The following AHI1 variants were observed in gnomAD, a reference collection of about 807,000 sequenced individuals.
The protein encoded by AHI1 is Abelson helper integration site 1.
Under a neutral mutation model 149.3 loss-of-function variants are expected in AHI1, and 123 were observed. The ratio of observed to expected loss-of-function variants is 0.82; its 90% CI spans 0.71 to 0.96. The LOEUF is 0.96. Ranked by LOEUF, AHI1 falls within the 40% of genes least tolerant of loss-of-function variation. The pLI is 0.00. For synonymous variants in AHI1, 475 were observed against 459.8 expected, an observed-to-expected ratio of 1.03 and a Z score of -0.42; for missense variants, 1,439 against 1,422.7, an observed-to-expected ratio of 1.01 and a Z score of -0.18.
intron 23 of AHI1, among the ~76,000 whole-genome samples, chr6:135,369,934 T>A (rs1420780013): frequency 2.0e-5 from 3 of 152,214 alleles, no homozygotes. Flanking sequence ...TTGCTCATGG[T>A]TCCTCATAAG....
At chr6:135,339,251 T>C (rs1582677543) in intron 24 of AHI1, among the ~76,000 whole-genome samples, 1 of 152,202 alleles carries the variant, frequency 6.6e-6, no homozygotes, top group South Asian at 2.1e-4. Flanking sequence ...TGCCACATTA[T>C]ATAATCTCAA....
intron 24 of AHI1, among the ~76,000 whole-genome samples, chr6:135,336,558 A>C (rs2128404839): frequency 6.6e-6 from 1 of 152,282 alleles, no homozygotes; most frequent in African/African-American, 2.4e-5. Flanking sequence ...AGATCATGCC[A>C]CTGCACTCCA....
At chr6:135,382,824 T>C (rs1455712456) in intron 23 of AHI1, among the ~76,000 whole-genome samples, 1 of 146,168 alleles carries the variant, frequency 6.8e-6, no homozygotes, top group Non-Finnish European at 1.5e-5. Flanking sequence ...ATTTCATTTT[T>C]CCCCCAGAGG....
intron 23 of AHI1, chr6:135,388,169 A>G: frequency 1.1e-6 from 1 of 946,284 alleles, no homozygotes; most frequent in South Asian, 1.8e-5. Flanking sequence ...AATCTACAAT[A>G]GTGAATTAAT....
At position 135,300,527 on chromosome 6, in the gene AHI1, A is replaced by C; in HGVS notation, c.3458T>G (p.Phe1153Cys). ...QSINKNKSQD[F>C]RLGSESMTHS... ...TGTCATAGATTCTGAGCCTAGTCTG[A>C]AGTCCTGGGACTTGTTCTTATTGAT... is the stretch of plus-strand genomic sequence containing the variant. The change falls in exon 27 of 29, where the codon TTC becomes TGC. Residue 1153 changes from phenylalanine to cysteine, a missense_variant. By Grantham distance (205) the Phe-to-Cys change is radical (BLOSUM62 -2). Coordinates refer to ENST00000265602, the MANE Select transcript of AHI1 (RefSeq NM_001134831.2). 1 of 1,609,044 alleles carries C rather than the reference A, an allele frequency of 6.2e-7. No individual in the cohort carries two copies.
chr6:135,358,371 G>A (rs561284723), intron 23 of AHI1, among the ~76,000 whole-genome samples, 184 bp from the exon 24 acceptor site: 104 of 152,268 alleles, frequency 6.8e-4, no homozygotes, highest in African/African-American at 2.3e-3. Context: ...GAAACAGTTG[G>A]TCTAAACTGA....
intron 26 of AHI1, chr6:135,306,883 C>T (rs901915556): frequency 6.6e-6 from 1 of 152,194 alleles, no homozygotes; most frequent in Non-Finnish European, 1.5e-5. Context: ...TTGCAGACAA[C>T]CACGGAAGCA....
chr6:135,358,398 C>A (rs1001629784), intron 23 of AHI1, among the ~76,000 whole-genome samples: 1 of 152,174 alleles, frequency 6.6e-6, no homozygotes, highest in Non-Finnish European at 1.5e-5. Flanking sequence ...GTTAGCTAAG[C>A]CTTTTTTCCC....
intron 26 of AHI1, among the ~76,000 whole-genome samples, chr6:135,314,855 T>C (rs946875984): frequency 1.3e-5 from 2 of 152,210 alleles, no homozygotes; most frequent in Admixed American, 6.5e-5. Flanking sequence ...TGCTTATCTT[T>C]GCATCTGTGA....
chr6:135,351,613 T>G (rs933856114), intron 24 of AHI1, among the ~76,000 whole-genome samples: 1 of 152,196 alleles, frequency 6.6e-6, no homozygotes, highest in Non-Finnish European at 1.5e-5. Flanking sequence ...GAACTGCAAA[T>G]AGCTCAGAGC....
chr6:135,298,783 G>A (rs1783483659), intron 27 of AHI1, among the ~76,000 whole-genome samples: 1 of 152,134 alleles, frequency 6.6e-6, no homozygotes, highest in African/African-American at 2.4e-5. Context: ...ATGTTTGTGA[G>A]GTTTTATTGA....
chr6:135,300,436 A>G (rs1783721861), intron 27 of AHI1, 64 bp downstream of exon 27: 2 of 1,423,918 alleles, frequency 1.4e-6, no homozygotes, highest in Admixed American at 5.2e-5. Flanking sequence ...GAAATGGAGA[A>G]ATTATCCTTA....
At chr6:135,301,511 G>A (rs1783879335) in intron 26 of AHI1, 1 of 985,268 alleles carries the variant, frequency 1.0e-6, no homozygotes, top group Non-Finnish European at 1.2e-6. Context: ...ATTTCTGCAA[G>A]ATCATTCTTC....
chr6:135,362,772 T>C (rs943297643), intron 23 of AHI1, among the ~76,000 whole-genome samples: 1 of 152,204 alleles, frequency 6.6e-6, no homozygotes, highest in Non-Finnish European at 1.5e-5. Context: ...AGTAGTCCTT[T>C]GTCAGATGCA....
intron 25 of AHI1, among the ~76,000 whole-genome samples, chr6:135,320,283 A>C (rs1437831251): frequency 6.6e-6 from 1 of 152,130 alleles, no homozygotes; most frequent in Non-Finnish European, 1.5e-5. Flanking sequence ...CTGATGCCAA[A>C]AGAAAACATA....
At chr6:135,375,883 G>C (rs1775835843) in intron 23 of AHI1, among the ~76,000 whole-genome samples, 1 of 151,998 alleles carries the variant, frequency 6.6e-6, no homozygotes, top group African/African-American at 2.4e-5. Context: ...TCTGGGGTAG[G>C]GATAGTACCA....
At chr6:135,415,217 T>C (rs928885413) in intron 20 of AHI1, among the ~76,000 whole-genome samples, 1 of 152,148 alleles carries the variant, frequency 6.6e-6, no homozygotes, top group African/African-American at 2.4e-5. Flanking sequence ...CTATCATTGT[T>C]GGACATTTGG....
chr6:135,327,991 C>T (rs1256619765), intron 24 of AHI1, among the ~76,000 whole-genome samples: 1 of 152,164 alleles, frequency 6.6e-6, no homozygotes. Flanking sequence ...CCATGAGTTA[C>T]TCCAGCAAAT....
Position 135,429,977 on chromosome 6 carries a change from C to A in AHI1, c.2397G>T (p.Lys799Asn). 6.4e-7 allele frequency: 1 copy of A among 1,570,172 alleles called. No individual in the cohort carries two copies. The highest frequency in any genetic ancestry group is 1.4e-5 in the African/African-American group (1 of 73,918). The change falls in exon 18 of 29, where the codon AAG (lysine) becomes AAT (asparagine). Residue 799 changes from lysine (K) to asparagine (N), a missense_variant. By Grantham distance (94) the Lys-to-Asn change is moderately conservative. Transcript: ENST00000265602. Reference sequence around the variant, plus strand: ...TCTCCAAATAACTTATTGGAATTCCCTTAAACTCAGTTTCTTTAATTTCCT... The same window carrying A: ...TCTCCAAATAACTTATTGGAATTCCATTAAACTCAGTTTCTTTAATTTCCT... ...INKEIKETEF[K>N]GIPISYLEIH...
Sources: gnomAD v4.1 joint callset for allele counts (sites outside exome capture counted in the v4.1 genomes callset) on GRCh38, gnomAD v4.1.1 for gene constraint, MANE v1.5 for transcripts, NCBI Gene and HGNC (gene_info 2026-07-23, HGNC 2026-07-21) for gene names.